EHMT1: variants seen among roughly 807,000 people sequenced by gnomAD.
EHMT1 encodes histone-lysine N-methyltransferase EHMT1.
A neutral mutation model predicts 147.2 loss-of-function variants in EHMT1; 15 were observed. The ratio of observed to expected loss-of-function variants is 0.10; its 90% CI spans 0.07 to 0.16. EHMT1 has a LOEUF of 0.16. Ranked by LOEUF, EHMT1 falls within the 10% of genes least tolerant of loss-of-function variation. The probability of loss-of-function intolerance (pLI) is 1.00; values close to 1 mark genes in which losing one functional copy is unlikely to be tolerated. For missense variants in EHMT1, 1,587 were observed against 1,772.4 expected (o/e 0.90, Z 1.88); for synonymous variants, 795 against 709.6 (o/e 1.12, Z -1.91).
At chr9:137,683,945 TAG>T (rs776293674) in intron 1 of EHMT1, among the ~76,000 whole-genome samples, 58 of 152,290 alleles carry the variant, frequency 3.8e-4, no homozygotes, top group Admixed American at 2.9e-3. Context: ...TTTAATTTTT[TAG>T]AGAGATGCTT....
intron 22 of EHMT1, chr9:137,815,278 C>T (rs1405818445): frequency 6.0e-6 from 1 of 168,056 alleles, no homozygotes; most frequent in South Asian, 1.5e-4. Flanking sequence ...GGAGATGGTA[C>T]GCTCAGAAAG....
In EHMT1 at chr9:137,813,382, G is replaced by A. The variant is rs2137721865; in HGVS notation, c.3036-4G>A. The stretch of plus-strand genomic sequence containing the variant: ...CCAGGTGACACCTGTCCTTTCCATG[G>A]CAGGGACATCGCTCGAGGCTACGAG... On this transcript the variant is annotated splice_polypyrimidine_tract_variant and splice_region_variant and intron_variant, in intron 20 of 26. Transcript: ENST00000460843. This position sits in a 1 kb window ranked among gnomAD's most constrained non-coding sequence, Gnocchi z 4.9. 6.2e-7 allele frequency: 1 copy of A among 1,609,718 alleles called. No individual in the cohort carries two copies. The highest frequency in any genetic ancestry group is 2.2e-5 in the East Asian group (1 of 44,726).
At chr9:137,630,922 G>A (rs1286095408) in intron 1 of EHMT1, among the ~76,000 whole-genome samples, 1 of 152,112 alleles carries the variant, frequency 6.6e-6, no homozygotes, top group South Asian at 2.1e-4. Context: ...GACAGTCCTT[G>A]AAGATTTTAG....
chr9:137,625,219 C>G (rs1307174886), intron 1 of EHMT1, among the ~76,000 whole-genome samples: 2 of 152,134 alleles, frequency 1.3e-5, no homozygotes, highest in Admixed American at 6.5e-5. Context: ...AAGCACTATT[C>G]CCTTGCCGAA....
At chr9:137,676,563 C>T (rs1039576622) in intron 1 of EHMT1, 1 of 152,262 alleles carries the variant, frequency 6.6e-6, no homozygotes, top group Non-Finnish European at 1.5e-5. Flanking sequence ...ACGGGGTCTC[C>T]TTATGAGACA....
intron 1 of EHMT1, among the ~76,000 whole-genome samples, chr9:137,693,298 T>C (rs1029606055): frequency 7.2e-5 from 11 of 152,272 alleles, no homozygotes; most frequent in African/African-American, 2.6e-4. Flanking sequence ...TAATTTTATA[T>C]TTATTAAATA....
chr9:137,675,802 T>TTTTTTTTTTTTTTTTTTTTTTTTTTTG (rs35541714), intron 1 of EHMT1, among the ~76,000 whole-genome samples: 1 of 104,720 alleles, frequency 9.5e-6, no homozygotes, highest in African/African-American at 4.2e-5. Flanking sequence ...TTTTTTTTTT[T>TTTTTTTTTTTTTTTTTTTTTTTTTTTG]AGACGGAGTC....
chr9:137,670,236 C>T (rs920344318), intron 1 of EHMT1, among the ~76,000 whole-genome samples: 1 of 152,108 alleles, frequency 6.6e-6, no homozygotes, highest in Admixed American at 6.6e-5. Flanking sequence ...CAAACTCCTC[C>T]AAAGATTTGT....
At chr9:137,726,619 GCTGCTGGGGCACGTGCCCAGCAGTGGAA>G (rs1185092174) in intron 3 of EHMT1, among the ~76,000 whole-genome samples, 3 of 152,150 alleles carry the variant, frequency 2.0e-5, no homozygotes, top group Non-Finnish European at 4.4e-5. Context: ...TGCTTTCAGT[GCTGCTGGGGCACGTGCCCAGCAGTGGAA>G]CTGCTGGATC....
rs1236543543 is a variant in EHMT1 at position 137,717,642 on chromosome 9, C to T, written c.642+460C>T. ...AAAAAAAAAAGAGATGCTGCTAATG[C>T]CTTGTGCGTGAGTGACAAAGCGGAG... On this transcript the variant is annotated intron_variant, in intron 3 of 26. Coordinates refer to ENST00000460843, the MANE Select transcript of EHMT1 (RefSeq NM_024757.5). Among the ~76,000 whole-genome samples the T allele has an allele frequency of 2.0e-5, 3 of 149,866 alleles. No homozygotes were observed. In the South Asian group the frequency reaches 6.3e-4, roughly 32 times the overall value.
At chr9:137,833,736 C>T (rs1053992781) in intron 25 of EHMT1, among the ~76,000 whole-genome samples, 1 of 152,344 alleles carries the variant, frequency 6.6e-6, no homozygotes, top group Non-Finnish European at 1.5e-5. Flanking sequence ...GTGAGGAGGA[C>T]GCCTCAGTCT....
chr9:137,626,032 T>A (rs890538098), intron 1 of EHMT1, among the ~76,000 whole-genome samples: 14 of 149,226 alleles, frequency 9.4e-5, no homozygotes, highest in East Asian at 5.9e-4. Context: ...ATTTTGTATT[T>A]TTTTTTTTTT....
intron 1 of EHMT1, among the ~76,000 whole-genome samples, chr9:137,686,876 G>A (rs1351384247): frequency 4.6e-5 from 7 of 151,824 alleles, no homozygotes; most frequent in African/African-American, 1.2e-4. Context: ...GACTACGGGC[G>A]CCCGCCACCG....
chr9:137,805,417 C>T (rs528382757), intron 18 of EHMT1, among the ~76,000 whole-genome samples: 1 of 152,312 alleles, frequency 6.6e-6, no homozygotes, highest in African/African-American at 2.4e-5. Context: ...CAGTTGTCCA[C>T]ATGTGTGTAA....
At chr9:137,669,417 C>T (rs112875999) in intron 1 of EHMT1, among the ~76,000 whole-genome samples, 39 of 38,478 alleles carry the variant, frequency 1.0e-3, no homozygotes, top group African/African-American at 3.6e-3. Context: ...GTGCACTCCA[C>T]GACTGCACCC....
chr9:137,813,806 T>G lies in EHMT1; in HGVS notation c.3180+276T>G, dbSNP rs1954687769. 1.3e-5 allele frequency among the ~76,000 whole-genome samples: 2 copies of G among 152,244 alleles called. No individual in the cohort carries two copies. Among genetic ancestry groups the G allele is most frequent in the South Asian group, 4.1e-4 (2 of 4,822 alleles). On this transcript the variant is annotated intron_variant, in intron 21 of 26. Transcript: ENST00000460843. This position sits in a 1 kb window ranked among gnomAD's most constrained non-coding sequence, Gnocchi z 4.9. ...GCATCTTTGTGCCTTTTTTGTAACC[T>G]CACACTCAGGGGCCCCGGTGTGGCT...
At chr9:137,748,638 C>T (rs1020555672) in intron 6 of EHMT1, among the ~76,000 whole-genome samples, 9 of 152,250 alleles carry the variant, frequency 5.9e-5, no homozygotes, top group African/African-American at 1.7e-4. Context: ...GGTGCTGCCA[C>T]TCCAACGAGC....
At chr9:137,739,646 A>G (rs959298118) in intron 4 of EHMT1, among the ~76,000 whole-genome samples, 1 of 148,162 alleles carries the variant, frequency 6.7e-6, no homozygotes, top group African/African-American at 2.5e-5. Context: ...GCAGGTCCCT[A>G]CTGGGTTCAT....
At chr9:137,751,554 G>C (rs1385574782) in intron 6 of EHMT1, among the ~76,000 whole-genome samples, 1 of 152,312 alleles carries the variant, frequency 6.6e-6, no homozygotes, top group East Asian at 1.9e-4. Flanking sequence ...CCGCCTTAGG[G>C]AGTGCCGGGC....
Sources: gnomAD v4.1 joint callset for allele counts (sites outside exome capture counted in the v4.1 genomes callset) on GRCh38, gnomAD v4.1.1 for gene constraint, Gnocchi (gnomAD v3.1) non-coding constraint, MANE v1.5 for transcripts, NCBI Gene and HGNC (gene_info 2026-07-23, HGNC 2026-07-21) for gene names.